The following SEC24C variants were observed in gnomAD, a reference collection of about 807,000 sequenced individuals.
SEC24C encodes protein transport protein Sec24C.
Under a neutral mutation model 117.0 loss-of-function variants are expected in SEC24C, and 22 were observed. That is an observed-to-expected ratio of 0.19 (90% CI 0.13 to 0.27). SEC24C has a LOEUF of 0.27. Among genes scored for constraint, SEC24C ranks in the 10% least tolerant of loss-of-function variants. SEC24C has a pLI of 1.00. For synonymous variants in SEC24C, 506 were observed against 529.4 expected (o/e 0.96, Z 0.61); for missense variants, 1,155 against 1,375.1 (o/e 0.84, Z 2.53).
intron 6 of SEC24C, chr10:73,762,163 T>C (rs1269512827): frequency 7.8e-7 from 1 of 1,289,676 alleles, no homozygotes; most frequent in African/African-American, 1.5e-5. Flanking sequence ...CCATTCCTAG[T>C]CCAGTAAGTG....
At position 73,760,307 on chromosome 10, in the gene SEC24C, C is replaced by G. The variant is rs146798574; in HGVS notation, c.771C>G (p.Gly257=). 8.9e-3 allele frequency: 14,339 copies of G among 1,613,340 alleles called. 94 individuals are homozygous for G. Among genetic ancestry groups the G allele is most frequent in the Middle Eastern group, 0.011 (67 of 6,062 alleles). Residue 257 remains glycine, a synonymous_variant, in exon 5 of 23, where the codon GGC becomes GGG. Transcript: ENST00000345254. ...VSSPPQALPP[G]TQMTGPLGPL... ...CACCTCCTCAAGCTCTGCCCCCTGG[C>G]ACCCAGATGACTGGGCCCCTGGGAC...
At chr10:73,751,335 T>G in intron 3 of SEC24C, 92 bp downstream of exon 3, 1 of 1,271,314 alleles carries the variant, frequency 7.9e-7, no homozygotes, top group Non-Finnish European at 1.1e-6. Flanking sequence ...CTGAGGTGGG[T>G]GGATCACCTG....
At chr10:73,759,484 A>G (rs557890670) in intron 3 of SEC24C, 138 bp from the exon 4 acceptor site, 2 of 520,114 alleles carry the variant, frequency 3.8e-6, no homozygotes, top group East Asian at 3.5e-5. Flanking sequence ...ATACAAAAGT[A>G]TGAAGCCATA....
At position 73,752,610 on chromosome 10, in the gene SEC24C, A is replaced by G. The variant is rs181841819; in HGVS notation, c.308+1367A>G. Among the ~76,000 whole-genome samples the G allele has an allele frequency of 6.9e-3, 1,045 of 152,348 alleles. 11 individuals are homozygous for G. Among genetic ancestry groups the G allele is most frequent in the African/African-American group, 0.024 (996 of 41,588 alleles). ...GAAGATAACAAGTACACAAATGTACATAAAGTTATAAAACAGGGTGAGGAT... is the reference window on the plus strand; with the variant it reads ...GAAGATAACAAGTACACAAATGTACGTAAAGTTATAAAACAGGGTGAGGAT... On this transcript the variant is annotated intron_variant, in intron 3 of 22. Transcript: ENST00000345254.
At chr10:73,755,055 A>G (rs1032266936) in intron 3 of SEC24C, among the ~76,000 whole-genome samples, 1 of 151,556 alleles carries the variant, frequency 6.6e-6, no homozygotes, top group Non-Finnish European at 1.5e-5. Context: ...ATGGCTTGAA[A>G]CCAAGAGGCG....
chr10:73,756,027 T>G (rs2082705235), intron 3 of SEC24C, among the ~76,000 whole-genome samples: 1 of 152,032 alleles, frequency 6.6e-6, no homozygotes, highest in Non-Finnish European at 1.5e-5. Flanking sequence ...AATTTTTGTA[T>G]TTTTAGTAGA....
Position 73,771,148 on chromosome 10 carries a change from G to A in SEC24C, c.*53G>A. The A allele has an allele frequency of 6.3e-7, 1 of 1,585,526 alleles. No homozygotes were observed. Among genetic ancestry groups the A allele is most frequent in the Non-Finnish European group, 8.6e-7 (1 of 1,166,128 alleles). On this transcript the variant is annotated 3_prime_UTR_variant, in exon 23 of 23. Transcript: ENST00000345254. The stretch of plus-strand genomic sequence containing the variant: ...AGGCTAGCTTCCAGAAAGCACCCCA[G>A]GATGTCAGAGAAATTGGGACAGTAA...
At chr10:73,746,021 G>T (rs1157142715) in intron 1 of SEC24C, among the ~76,000 whole-genome samples, 1 of 151,846 alleles carries the variant, frequency 6.6e-6, no homozygotes, top group African/African-American at 2.4e-5. Flanking sequence ...CTAGCTGGGT[G>T]TGGTGGCACG....
At chr10:73,765,944 T>TG in intron 10 of SEC24C, 29 bp downstream of exon 10, 8 of 1,598,338 alleles carry the variant, frequency 5.0e-6, no homozygotes, top group Non-Finnish European at 6.9e-6. Context: ...GGAGGAGCAG[T>TG]GAGTGGAGGA....
chr10:73,759,498 G>A, intron 3 of SEC24C, 124 bp from the exon 4 acceptor site: 1 of 595,256 alleles, frequency 1.7e-6, no homozygotes, highest in Non-Finnish European at 2.6e-6. Flanking sequence ...AGCCATAAAA[G>A]AACTCAGGGT....
chr10:73,746,290 A>G (rs1275195114), intron 1 of SEC24C, among the ~76,000 whole-genome samples: 1 of 152,162 alleles, frequency 6.6e-6, no homozygotes, highest in Non-Finnish European at 1.5e-5. Flanking sequence ...AACTCAGCCT[A>G]AATTTTGTCA....
In SEC24C at chr10:73,769,775, AAT is replaced by A; in HGVS notation, c.2682+43_2682+44del. On this transcript the variant is annotated intron_variant, in intron 19 of 22. Transcript: ENST00000345254. This position sits in a 1 kb window ranked among gnomAD's most constrained non-coding sequence, Gnocchi z 4.5. ...AGTGGGAGGTGGGGTTGTTGGGACAAATGTTTGCATTTGGGAGGGATTTCTCA... is the reference window on the plus strand; with the variant it reads ...AGTGGGAGGTGGGGTTGTTGGGACAAGTTTGCATTTGGGAGGGATTTCTCA... 1 of 1,612,430 alleles carries A rather than the reference AAT, an allele frequency of 6.2e-7. No individual in the cohort carries two copies. The highest frequency in any genetic ancestry group is 8.5e-7 in the Non-Finnish European group (1 of 1,178,550).
chr10:73,769,423 A>G lies in SEC24C; in HGVS notation c.2501A>G (p.Gln834Arg). 6.2e-7 allele frequency: 1 copy of G among 1,614,162 alleles called. No homozygotes were observed. The highest frequency in any genetic ancestry group is 8.5e-7 in the Non-Finnish European group (1 of 1,180,022). ...IHNLALNCCT[Q>R]LADLYRNCET... ...AATCTGGCCCTGAACTGCTGCACCCAGCTGGCTGATCTATATCGAAACTGT... is the reference window on the plus strand; with the variant it reads ...AATCTGGCCCTGAACTGCTGCACCCGGCTGGCTGATCTATATCGAAACTGT... Residue 834 changes from glutamine (Q) to arginine (R), a missense_variant, in exon 18 of 23, where the codon CAG (glutamine) becomes CGG (arginine). Gln to Arg is a conservative substitution (Grantham distance 43, BLOSUM62 1). This residue lies in a region of SEC24C where 759 missense variants were observed against 992.3 expected (regional missense o/e 0.76). Coordinates refer to ENST00000345254, the MANE Select transcript of SEC24C (RefSeq NM_198597.3). The surrounding 1 kb of genome is among the most constrained non-coding windows in gnomAD (Gnocchi z 4.5).
At chr10:73,754,467 C>G (rs2082683905) in intron 3 of SEC24C, among the ~76,000 whole-genome samples, 1 of 152,100 alleles carries the variant, frequency 6.6e-6, no homozygotes, top group Non-Finnish European at 1.5e-5. Context: ...CCGTATAACC[C>G]ACATCCAATT....
At chr10:73,757,646 T>A (rs1437390385) in intron 3 of SEC24C, among the ~76,000 whole-genome samples, 1 of 151,150 alleles carries the variant, frequency 6.6e-6, no homozygotes, top group Admixed American at 6.6e-5. Context: ...TTGATTAGAG[T>A]TGGGCCAGGC....
At chr10:73,764,114 T>C in intron 8 of SEC24C, 131 bp downstream of exon 8, 2 of 1,234,440 alleles carry the variant, frequency 1.6e-6, no homozygotes, top group East Asian at 2.7e-5. Context: ...AGACTGTCTT[T>C]AGTGGCTTTC....
At chr10:73,753,654 C>T (rs574341862) in intron 3 of SEC24C, among the ~76,000 whole-genome samples, 5 of 152,258 alleles carry the variant, frequency 3.3e-5, no homozygotes, top group Admixed American at 6.5e-5. Context: ...TGAGAAACAG[C>T]GAGACTGTGT....
At chr10:73,758,423 T>A (rs2082745360) in intron 3 of SEC24C, among the ~76,000 whole-genome samples, 1 of 152,228 alleles carries the variant, frequency 6.6e-6, no homozygotes, top group Non-Finnish European at 1.5e-5. Flanking sequence ...GTATATTTAG[T>A]GGTTTTTAAT....
intron 1 of SEC24C, among the ~76,000 whole-genome samples, chr10:73,745,496 C>T (rs2082533085): frequency 6.6e-6 from 1 of 151,780 alleles, no homozygotes; most frequent in Non-Finnish European, 1.5e-5. Context: ...AGTTTTGGTG[C>T]CTGTTCTGCA....
Sources: gnomAD v4.1 joint callset for allele counts (sites outside exome capture counted in the v4.1 genomes callset) on GRCh38, gnomAD v4.1.1 for gene constraint, gnomAD v4.1.1 regional missense constraint, Gnocchi (gnomAD v3.1) non-coding constraint, MANE v1.5 for transcripts, NCBI Gene and HGNC (gene_info 2026-07-23, HGNC 2026-07-21) for gene names.